Variants in USP40 observed in about 807,000 individuals in gnomAD.
USP40 encodes ubiquitin carboxyl-terminal hydrolase 40.
Under a neutral mutation model 166.2 loss-of-function variants are expected in USP40, and 143 were observed. The observed-to-expected ratio is 0.86, with a 90% CI of 0.75 to 0.99. The LOEUF (loss-of-function observed/expected upper bound fraction) is 0.99, where lower values mean the gene tolerates loss of function less well. Ranked by LOEUF, USP40 falls within the 50% of genes least tolerant of loss-of-function variation. The pLI is 0.00. For missense variants in USP40, 1,444 were observed against 1,479.7 expected (o/e 0.98, Z 0.40); for synonymous variants, 498 against 524.0 (o/e 0.95, Z 0.68).
chr2:233,523,793 G>A (rs545149832), intron 15 of USP40, among the ~76,000 whole-genome samples: 23 of 152,152 alleles, frequency 1.5e-4, no homozygotes, highest in Admixed American at 2.6e-4. Flanking sequence ...GCTCCTGGCC[G>A]CCTTCTAGAG....
At position 233,519,615 on chromosome 2, in the gene USP40, T is replaced by C. The variant is rs1000104114; in HGVS notation, c.2382A>G (p.Leu794=). The C allele has an allele frequency of 4.2e-6, 6 of 1,439,530 alleles. No individual in the cohort carries two copies. Among genetic ancestry groups the C allele is most frequent in the Non-Finnish European group, 5.7e-6 (6 of 1,050,580 alleles). 89.2% of individuals were successfully genotyped at this position (1,439,530 alleles called of 1,614,324 possible). Residue 794 remains leucine (L), a splice_region_variant and synonymous_variant, in exon 18 of 32, where the codon CTA becomes CTG. Transcript: ENST00000678225. ...AIKELKLMKE[L]ADNSCLRPID... ...CGAAAAGAAAATGTAAATGATTACCTAGTTCCTTCATTAATTTTAATTCCT... is the reference window on the plus strand; with the variant it reads ...CGAAAAGAAAATGTAAATGATTACCCAGTTCCTTCATTAATTTTAATTCCT...
At chr2:233,546,017 G>C (rs1197956520) in intron 8 of USP40, 1 of 152,110 alleles carries the variant, frequency 6.6e-6, no homozygotes, top group East Asian at 1.9e-4. Flanking sequence ...AATAACAAAT[G>C]GGATGCTTGA....
intron 16 of USP40, among the ~76,000 whole-genome samples, chr2:233,522,428 C>T (rs755851816): frequency 1.3e-5 from 2 of 152,132 alleles, no homozygotes; most frequent in African/African-American, 4.8e-5. Context: ...AAGTGTACTA[C>T]GAAAGAAACG....
At chr2:233,504,800 C>T (rs78648245) in intron 21 of USP40, among the ~76,000 whole-genome samples, 27,991 of 151,768 alleles carry the variant, frequency 0.18, 2,898 homozygotes, top group Admixed American at 0.28. Flanking sequence ...GAAAGATCAT[C>T]GAGACAGAAA....
chr2:233,512,536 A>G, intron 19 of USP40, 33 bp downstream of exon 19: 1 of 1,519,052 alleles, frequency 6.6e-7, no homozygotes, highest in Non-Finnish European at 8.9e-7. Context: ...GACGAGTATA[A>G]GCCACCTTTT....
chr2:233,523,179 T>C lies in USP40; in HGVS notation c.2192A>G (p.Asp731Gly). The C allele has an allele frequency of 1.2e-6, 2 of 1,609,192 alleles. No homozygotes were observed. Among genetic ancestry groups the C allele is most frequent in the Non-Finnish European group, 1.7e-6 (2 of 1,176,240 alleles). ...CTTGTTAGCGAGTTACCTGTTATCATCATGAGAATCCTGAATTAAAATTGA... is the reference window on the plus strand; with the variant it reads ...CTTGTTAGCGAGTTACCTGTTATCACCATGAGAATCCTGAATTAAAATTGA... ...GSSILIQDSH[D>G]DNSLLTKEEK... Residue 731 changes from aspartate to glycine, a missense_variant, in exon 16 of 32, where the codon GAT becomes GGT. Coordinates refer to ENST00000678225, the MANE Select transcript of USP40 (RefSeq NM_001365479.2).
chr2:233,524,464 C>G (rs747679532), intron 15 of USP40, 28 bp downstream of exon 15: 5 of 1,584,474 alleles, frequency 3.2e-6, no homozygotes, highest in Non-Finnish European at 3.4e-6. Flanking sequence ...AAAATTATCA[C>G]GAATATTTCT....
rs565619651 is a variant in USP40, at chr2:233,551,242, G to A, written c.837+134C>T. The A allele has an allele frequency of 1.5e-3, 1,541 of 1,008,596 alleles. 4 individuals are homozygous for A. The highest frequency in any genetic ancestry group is 2.0e-3 in the Non-Finnish European group (1,413 of 711,630). 62.5% of individuals were successfully genotyped at this position (1,008,596 alleles called of 1,614,324 possible). ...GCATGAGACAGTCTCCCACAACAAA[G>A]AATAGTTTAACTGAAAATGTCAATG... On this transcript the variant is annotated intron_variant, in intron 7 of 31. Coordinates refer to ENST00000678225, the MANE Select transcript of USP40 (RefSeq NM_001365479.2).
At chr2:233,503,009 A>G (rs962829795) in intron 21 of USP40, among the ~76,000 whole-genome samples, 2 of 152,210 alleles carry the variant, frequency 1.3e-5, no homozygotes, top group Admixed American at 1.3e-4. Context: ...GAACACAGTA[A>G]GTCTCCAGTA....
At chr2:233,516,405 C>G (rs2603545) in intron 18 of USP40, among the ~76,000 whole-genome samples, 2 of 152,026 alleles carry the variant, frequency 1.3e-5, no homozygotes, top group African/African-American at 4.8e-5. Context: ...CTTAAGAATA[C>G]TGTATCATCT....
chr2:233,500,390 C>T (rs1207021509), intron 21 of USP40, among the ~76,000 whole-genome samples: 1 of 152,180 alleles, frequency 6.6e-6, no homozygotes, highest in East Asian at 1.9e-4. Flanking sequence ...AAGAATTGTG[C>T]AAGCTGTGAT....
intron 19 of USP40, 73 bp from the exon 20 acceptor site, chr2:233,511,870 A>T: frequency 8.1e-7 from 1 of 1,240,116 alleles, no homozygotes; most frequent in Non-Finnish European, 1.1e-6. Flanking sequence ...TGCTGAAATC[A>T]GTATTTCTTT....
At chr2:233,564,194 C>G (rs936523787) in intron 2 of USP40, among the ~76,000 whole-genome samples, 1 of 152,118 alleles carries the variant, frequency 6.6e-6, no homozygotes, top group African/African-American at 2.4e-5. Flanking sequence ...TCTCTGGAGG[C>G]AGCAAGTCTT....
At position 233,476,949 on chromosome 2, in the gene USP40, G is replaced by C. The variant is rs1464557955; in HGVS notation, c.*443C>G. 3.4e-6 allele frequency: 1 copy of C among 294,940 alleles called. No individual in the cohort carries two copies. The highest frequency in any genetic ancestry group is 2.2e-5 in the African/African-American group (1 of 45,050). The allele number at this position is 294,940 out of a possible 1,614,324, so 18.3% of individuals were successfully genotyped here. On this transcript the variant is annotated 3_prime_UTR_variant, in exon 32 of 32. Transcript: ENST00000678225. ...CACCAGCGCGGTGGCGCAGTGGCCTGAGACACTGTGAGAAGCCGGTCAGGG... is the reference window on the plus strand; with the variant it reads ...CACCAGCGCGGTGGCGCAGTGGCCTCAGACACTGTGAGAAGCCGGTCAGGG...
intron 4 of USP40, among the ~76,000 whole-genome samples, 188 bp from the exon 5 acceptor site, chr2:233,557,207 T>C (rs2071175150): frequency 6.6e-6 from 1 of 152,216 alleles, no homozygotes; most frequent in African/African-American, 2.4e-5. Context: ...TACTAAAAAA[T>C]GAAAATATGA....
chr2:233,481,108 AAG>A (rs1027415532), intron 31 of USP40, 93 bp downstream of exon 31: 11 of 1,212,696 alleles, frequency 9.1e-6, no homozygotes, highest in African/African-American at 6.1e-5. Context: ...CTGAATCAAC[AAG>A]AGTTTCCGGT....
chr2:233,503,056 G>A (rs1464905522), intron 21 of USP40, among the ~76,000 whole-genome samples: 2 of 152,146 alleles, frequency 1.3e-5, no homozygotes, highest in African/African-American at 4.8e-5. Context: ...TGAAATGCCT[G>A]AAGAGAAATT....
chr2:233,545,210 T>C (rs974697617), intron 8 of USP40, among the ~76,000 whole-genome samples: 3 of 152,150 alleles, frequency 2.0e-5, no homozygotes, highest in Non-Finnish European at 4.4e-5. Flanking sequence ...AATAAGTATG[T>C]TTAAGGTGCT....
chr2:233,500,217 T>A (rs1478908890), intron 21 of USP40, among the ~76,000 whole-genome samples: 1 of 152,202 alleles, frequency 6.6e-6, no homozygotes, highest in Non-Finnish European at 1.5e-5. Flanking sequence ...AAGGATTAAC[T>A]GTGTGTCTTT....
Sources: gnomAD v4.1 joint callset for allele counts (sites outside exome capture counted in the v4.1 genomes callset) on GRCh38, gnomAD v4.1.1 for gene constraint, MANE v1.5 for transcripts, NCBI Gene and HGNC (gene_info 2026-07-23, HGNC 2026-07-21) for gene names.